Variants in ATG4C observed in about 807,000 individuals in gnomAD.
ATG4C encodes the protein autophagy related 4C cysteine peptidase.
A neutral mutation model predicts 57.6 loss-of-function variants in ATG4C; 56 were observed. The observed-to-expected ratio is 0.97, with a 90% CI of 0.78 to 1.21. ATG4C has a LOEUF of 1.21. Ranked by LOEUF, ATG4C falls within the 50% of genes most tolerant of loss-of-function variation. ATG4C has a pLI of 0.00. For missense variants in ATG4C, 595 were observed against 529.8 expected (o/e 1.12, Z -1.21); for synonymous variants, 157 against 174.1 (o/e 0.90, Z 0.78).
chr1:62,828,907 A>G (rs1404228397), intron 6 of ATG4C, 133 bp from the exon 7 acceptor site: 4 of 761,182 alleles, frequency 5.3e-6, no homozygotes, highest in Non-Finnish European at 8.2e-6. Flanking sequence ...TTAACTTACT[A>G]AGACATTTCT....
At chr1:62,797,106 C>T (rs1444501994) in intron 1 of ATG4C, among the ~76,000 whole-genome samples, 1 of 150,756 alleles carries the variant, frequency 6.6e-6, no homozygotes, top group East Asian at 1.9e-4. Context: ...GACTCTGTCT[C>T]GGGGAAAAAG....
chr1:62,861,891 A>C (rs1387940389), intron 10 of ATG4C, among the ~76,000 whole-genome samples: 1 of 152,148 alleles, frequency 6.6e-6, no homozygotes, highest in Non-Finnish European at 1.5e-5. Context: ...ATATTATACC[A>C]TCCATTATGG....
intron 3 of ATG4C, among the ~76,000 whole-genome samples, chr1:62,809,946 A>G (rs1490051068): frequency 6.6e-6 from 1 of 152,114 alleles, no homozygotes; most frequent in Non-Finnish European, 1.5e-5. Flanking sequence ...AGAAATAGGA[A>G]CTGAAACACT....
intron 3 of ATG4C, among the ~76,000 whole-genome samples, 164 bp from the exon 4 acceptor site, chr1:62,816,411 G>T (rs1429142284): frequency 6.6e-6 from 1 of 151,942 alleles, no homozygotes; most frequent in Non-Finnish European, 1.5e-5. Context: ...AGGCAGTCAG[G>T]AAAATCTAAC....
At chr1:62,802,368 C>G (rs990516740) in intron 1 of ATG4C, among the ~76,000 whole-genome samples, 1 of 151,672 alleles carries the variant, frequency 6.6e-6, no homozygotes, top group Admixed American at 6.6e-5. Flanking sequence ...TCTTGAGTGC[C>G]AACATGATGC....
At chr1:62,794,956 A>G (rs1458694920) in intron 1 of ATG4C, among the ~76,000 whole-genome samples, 4 of 152,252 alleles carry the variant, frequency 2.6e-5, no homozygotes, top group African/African-American at 9.6e-5. Flanking sequence ...AAAAGGTTAC[A>G]TAGATAAAAA....
At chr1:62,826,962 A>G (rs1285453124) in intron 6 of ATG4C, among the ~76,000 whole-genome samples, 2 of 152,078 alleles carry the variant, frequency 1.3e-5, no homozygotes, top group African/African-American at 2.4e-5. Flanking sequence ...CCTGTAGCCT[A>G]TTTTGGTTTT....
intron 7 of ATG4C, among the ~76,000 whole-genome samples, chr1:62,829,857 C>G (rs1011107874): frequency 6.6e-6 from 1 of 151,956 alleles, no homozygotes; most frequent in African/African-American, 2.4e-5. Context: ...TTCATAGTTT[C>G]AATAAAATTC....
At chr1:62,850,317 A>C (rs1343872108) in intron 10 of ATG4C, among the ~76,000 whole-genome samples, 3 of 152,000 alleles carry the variant, frequency 2.0e-5, no homozygotes, top group Non-Finnish European at 4.4e-5. Context: ...ATCTTCCTTG[A>C]GATTATTGCG....
intron 3 of ATG4C, among the ~76,000 whole-genome samples, chr1:62,816,039 C>T (rs2100313196): frequency 6.6e-6 from 1 of 152,264 alleles, no homozygotes. Context: ...TGTGAGCCAC[C>T]ATGCCTGGCT....
At chr1:62,809,087 C>T (rs961037016) in intron 3 of ATG4C, among the ~76,000 whole-genome samples, 1 of 151,996 alleles carries the variant, frequency 6.6e-6, no homozygotes, top group African/African-American at 2.4e-5. Flanking sequence ...GTGTGTGCCA[C>T]CACGCCCAGT....
chr1:62,805,075 A>G (rs979824074), intron 2 of ATG4C, 97 bp from the exon 3 acceptor site: 1 of 1,403,424 alleles, frequency 7.1e-7, no homozygotes, highest in South Asian at 1.7e-5. Context: ...ATAATAATTG[A>G]TGGTTTGAAA....
chr1:62,851,443 G>T (rs2100357899), intron 10 of ATG4C, among the ~76,000 whole-genome samples: 1 of 152,172 alleles, frequency 6.6e-6, no homozygotes, highest in East Asian at 1.9e-4. Context: ...TTTTAACTCT[G>T]CATTTCTAAG....
intron 7 of ATG4C, among the ~76,000 whole-genome samples, chr1:62,832,325 A>G (rs1488988142): frequency 6.6e-6 from 1 of 152,182 alleles, no homozygotes; most frequent in African/African-American, 2.4e-5. Context: ...CTGCTGTAAC[A>G]GAATACTGGA....
chr1:62,800,206 T>C (rs2100290446), intron 1 of ATG4C, among the ~76,000 whole-genome samples: 1 of 152,192 alleles, frequency 6.6e-6, no homozygotes, highest in East Asian at 1.9e-4. Flanking sequence ...TCTTTCAGAC[T>C]TAGAAAGAAG....
chr1:62,800,276 G>C (rs868662655), intron 1 of ATG4C, among the ~76,000 whole-genome samples: 1 of 152,046 alleles, frequency 6.6e-6, no homozygotes, highest in African/African-American at 2.4e-5. Context: ...AAGCTTGGTG[G>C]CTTTTTAAAA....
intron 9 of ATG4C, among the ~76,000 whole-genome samples, chr1:62,837,740 C>T (rs751962043): frequency 2.6e-5 from 4 of 152,138 alleles, no homozygotes; most frequent in South Asian, 2.1e-4. Context: ...AAAGATAATA[C>T]CCTTTATGAA....
chr1:62,844,069 A>C (rs191411908), intron 10 of ATG4C, among the ~76,000 whole-genome samples: 1 of 152,168 alleles, frequency 6.6e-6, no homozygotes, highest in Non-Finnish European at 1.5e-5. Context: ...AAAAGTATAG[A>C]AGGAAAGTGG....
At chr1:62,818,599 T>G (rs1309094268) in intron 4 of ATG4C, among the ~76,000 whole-genome samples, 2 of 152,116 alleles carry the variant, frequency 1.3e-5, no homozygotes, top group African/African-American at 2.4e-5. Flanking sequence ...CAGAGAATAA[T>G]ACCATTAAGG....
Sources: allele counts gnomAD v4.1 joint callset (sites outside exome capture counted in the v4.1 genomes callset), GRCh38; gene constraint gnomAD v4.1.1; transcripts MANE v1.5; gene names NCBI Gene and HGNC (gene_info 2026-07-23, HGNC 2026-07-21).